The following JAKMIP1 variants were observed in gnomAD, a reference collection of about 807,000 sequenced individuals.
JAKMIP1 encodes the protein janus kinase and microtubule-interacting protein 1.
JAKMIP1 carries 33 observed loss-of-function variants against 113.0 expected under a neutral mutation model. That is an observed-to-expected ratio of 0.29 (90% CI 0.22 to 0.39). The LOEUF is 0.39. Among genes scored for constraint, JAKMIP1 ranks in the 10% least tolerant of loss-of-function variants. The pLI, the probability that JAKMIP1 is intolerant of heterozygous loss-of-function variation, is 1.00. For synonymous variants in JAKMIP1, 480 were observed against 459.9 expected, an observed-to-expected ratio of 1.04 and a Z score of -0.56; for missense variants, 813 against 1,080.5, an observed-to-expected ratio of 0.75 and a Z score of 3.47.
intron 1 of JAKMIP1, among the ~76,000 whole-genome samples, chr4:6,170,466 C>CCAT (rs1724382263): frequency 1.0e-4 from 1 of 9,928 alleles, no homozygotes; most frequent in African/African-American, 2.8e-4. Flanking sequence ...ACCACCACCA[C>CCAT]CATTACCACC....
At chr4:6,033,201 G>T (rs1290852478) in intron 19 of JAKMIP1, among the ~76,000 whole-genome samples, 4 of 152,188 alleles carry the variant, frequency 2.6e-5, no homozygotes, top group African/African-American at 9.7e-5. Context: ...GCTGGGCAGG[G>T]GACATCACTG....
At chr4:6,131,073 G>A (rs1718439986) in intron 1 of JAKMIP1, among the ~76,000 whole-genome samples, 1 of 147,604 alleles carries the variant, frequency 6.8e-6, no homozygotes, top group South Asian at 2.1e-4. Context: ...GAAGTGGGAG[G>A]ATCACCCGGG....
rs1726459171 is a variant in JAKMIP1, at chr4:6,184,788, G to T, written c.-148+15465C>A. Among the ~76,000 whole-genome samples the T allele has an allele frequency of 6.6e-6, 1 of 152,220 alleles. No individual in the cohort carries two copies. The highest frequency in any genetic ancestry group is 2.1e-4 in the South Asian group (1 of 4,836). On this transcript the variant is annotated intron_variant, in intron 1 of 20. Transcript: ENST00000409021. This position sits in a 1 kb window ranked among gnomAD's most constrained non-coding sequence, Gnocchi z 4.5. Reference sequence around the variant, plus strand: ...ATTGGACAGAAGGATAGAAAGTATTGTTCCTGAGTGTGTCTGTGAGGATCT... The same window carrying T: ...ATTGGACAGAAGGATAGAAAGTATTTTTCCTGAGTGTGTCTGTGAGGATCT...
At chr4:6,098,672 GAA>G (rs1226584413) in intron 3 of JAKMIP1, among the ~76,000 whole-genome samples, 112 of 6,208 alleles carry the variant, frequency 0.018, 1 homozygote, top group South Asian at 0.052. Flanking sequence ...GAAAGAGAGA[GAA>G]AGAAAGAAAG....
rs1039370268 is a variant in JAKMIP1, at chr4:6,184,765, T to G, written c.-148+15488A>C. The stretch of plus-strand genomic sequence containing the variant: ...GGTTAATATTGAGTGTCAACTCGAT[T>G]GGACAGAAGGATAGAAAGTATTGTT... On this transcript the variant is annotated intron_variant, in intron 1 of 20. Transcript: ENST00000409021. This position sits in a 1 kb window ranked among gnomAD's most constrained non-coding sequence, Gnocchi z 4.5. 2.0e-5 allele frequency among the ~76,000 whole-genome samples: 3 copies of G among 152,320 alleles called. No homozygotes were observed. Among genetic ancestry groups the G allele is most frequent in the African/African-American group, 7.2e-5 (3 of 41,580 alleles).
intron 1 of JAKMIP1, among the ~76,000 whole-genome samples, chr4:6,120,323 C>T (rs1328826412): frequency 6.6e-6 from 1 of 152,142 alleles, no homozygotes; most frequent in East Asian, 1.9e-4. Context: ...CATATTCCTA[C>T]CCCAGGCGCA....
At chr4:6,087,937 G>T (rs539134574) in intron 3 of JAKMIP1, among the ~76,000 whole-genome samples, 1 of 152,106 alleles carries the variant, frequency 6.6e-6, no homozygotes, top group Non-Finnish European at 1.5e-5. Context: ...CCCAAATCCC[G>T]AGTGTTGCAA....
intron 20 of JAKMIP1, among the ~76,000 whole-genome samples, chr4:6,026,866 A>AT (rs370379960): frequency 0.024 from 3,415 of 140,528 alleles, 132 homozygotes; most frequent in African/African-American, 0.079. Flanking sequence ...ATTTCTTTGC[A>AT]TTTTTTTTTT....
At position 6,051,380 on chromosome 4, in the gene JAKMIP1, A is replaced by G. The variant is rs1715642361; in HGVS notation, c.1807-701T>C. ...TGGGATTACAGGCACGCGCCACCAC[A>G]CCGGGCTAATTTTGTATTTAGATTT... On this transcript the variant is annotated intron_variant, in intron 13 of 20. Coordinates refer to ENST00000409021, the MANE Select transcript of JAKMIP1 (RefSeq NM_001099433.2). This position sits in a 1 kb window ranked among gnomAD's most constrained non-coding sequence, Gnocchi z 5.0. Among the ~76,000 whole-genome samples the G allele has an allele frequency of 1.3e-5, 2 of 151,916 alleles. No individual in the cohort carries two copies. The highest frequency in any genetic ancestry group is 4.8e-5 in the African/African-American group (2 of 41,376).
chr4:6,131,173 A>AAAAAAAAAAAAAG (rs71173409), intron 1 of JAKMIP1, among the ~76,000 whole-genome samples: 28,062 of 92,660 alleles, frequency 0.3, 6,068 homozygotes, highest in South Asian at 0.48. Flanking sequence ...AAAAAAAAAA[A>AAAAAAAAAAAAAG]AATATCCCAG....
chr4:6,057,834 C>A (rs1716695577), intron 11 of JAKMIP1, among the ~76,000 whole-genome samples: 1 of 152,236 alleles, frequency 6.6e-6, no homozygotes, highest in Non-Finnish European at 1.5e-5. Context: ...TTTGGACCAT[C>A]CTTGGGCCTT....
At chr4:6,122,255 G>A (rs1251677816) in intron 1 of JAKMIP1, among the ~76,000 whole-genome samples, 1 of 152,176 alleles carries the variant, frequency 6.6e-6, no homozygotes, top group Non-Finnish European at 1.5e-5. Context: ...GAACCTAGGA[G>A]GCAGAGGTTG....
intron 19 of JAKMIP1, among the ~76,000 whole-genome samples, chr4:6,032,138 C>T (rs1311247442): frequency 6.6e-6 from 1 of 152,126 alleles, no homozygotes; most frequent in Non-Finnish European, 1.5e-5. Flanking sequence ...GTGTCTGGAC[C>T]CCTCTGCTGT....
chr4:6,147,540 G>T (rs564654149), intron 1 of JAKMIP1, among the ~76,000 whole-genome samples: 5 of 152,268 alleles, frequency 3.3e-5, no homozygotes, highest in Admixed American at 2.0e-4. Context: ...GCCTCCCATT[G>T]TGTCACTCCT....
At chr4:6,132,778 G>T (rs1467263292) in intron 1 of JAKMIP1, among the ~76,000 whole-genome samples, 7 of 152,126 alleles carry the variant, frequency 4.6e-5, no homozygotes, top group African/African-American at 1.7e-4. Context: ...CACTTTAAAT[G>T]TCAACGGTCT....
In JAKMIP1 at chr4:6,116,426, A is replaced by G. The variant is rs552189235; in HGVS notation, c.-147-3429T>C. On this transcript the variant is annotated intron_variant, in intron 1 of 20. Transcript: ENST00000409021. The surrounding 1 kb of genome is among the most constrained non-coding windows in gnomAD (Gnocchi z 5.1). The stretch of plus-strand genomic sequence containing the variant: ...GAGCACAGCACTGGCTCAGCGCCGC[A>G]GGCTGGAGGATGACTGCTCAGGACA... Among the ~76,000 whole-genome samples the G allele has an allele frequency of 6.6e-6, 1 of 152,194 alleles. No individual in the cohort carries two copies. The highest frequency in any genetic ancestry group is 2.1e-4 in the South Asian group (1 of 4,818).
At position 6,138,488 on chromosome 4, in the gene JAKMIP1, C is replaced by T. The variant is rs565512958; in HGVS notation, c.-147-25491G>A. On this transcript the variant is annotated intron_variant, in intron 1 of 20. Transcript: ENST00000409021. The surrounding 1 kb of genome is among the most constrained non-coding windows in gnomAD (Gnocchi z 6.0). ...CTGACCTCACGTGATCCACCTGCCT[C>T]GGCCTCCCAAAATGCTGGGATTACA... Among the ~76,000 whole-genome samples the T allele has an allele frequency of 1.3e-5, 2 of 151,808 alleles. No individual in the cohort carries two copies. The highest frequency in any genetic ancestry group is 4.9e-5 in the African/African-American group (2 of 41,098).
At chr4:6,123,739 T>G (rs1016242676) in intron 1 of JAKMIP1, among the ~76,000 whole-genome samples, 7 of 152,162 alleles carry the variant, frequency 4.6e-5, no homozygotes, top group African/African-American at 1.4e-4. Flanking sequence ...GAGGAGCATG[T>G]GAGCCTAGGA....
chr4:6,085,246 C>T lies in JAKMIP1; in HGVS notation c.834+174G>A, dbSNP rs936099300. ...ATCTCTTACAAAGGCCGCCACGCACCGGCACCTCACACAGCGTCCAGCACA... is the reference window on the plus strand; with the variant it reads ...ATCTCTTACAAAGGCCGCCACGCACTGGCACCTCACACAGCGTCCAGCACA... On this transcript the variant is annotated intron_variant, in intron 4 of 20. Coordinates refer to ENST00000409021, the MANE Select transcript of JAKMIP1 (RefSeq NM_001099433.2). Among the ~76,000 whole-genome samples the T allele has an allele frequency of 1.1e-4, 16 of 152,266 alleles. 1 individual carries two copies. The highest frequency in any genetic ancestry group is 3.4e-4 in the African/African-American group (14 of 41,552).
Sources: gnomAD v4.1 joint callset for allele counts (sites outside exome capture counted in the v4.1 genomes callset) on GRCh38, gnomAD v4.1.1 for gene constraint, Gnocchi (gnomAD v3.1) non-coding constraint, MANE v1.5 for transcripts, NCBI Gene and HGNC (gene_info 2026-07-23, HGNC 2026-07-21) for gene names.